Variants in GNB4 observed in about 807,000 individuals in gnomAD.
GNB4 encodes G protein subunit beta 4.
Under a neutral mutation model 45.2 loss-of-function variants are expected in GNB4, and 28 were observed. The ratio of observed to expected loss-of-function variants is 0.62; its 90% CI spans 0.46 to 0.85. The LOEUF (loss-of-function observed/expected upper bound fraction) is 0.85. GNB4 is among the 40% of genes least tolerant of loss of function. The pLI is 0.00. For synonymous variants in GNB4, 132 were observed against 143.7 expected (o/e 0.92, Z 0.58); for missense variants, 321 against 425.4 (o/e 0.75, Z 2.16).
the GNB4 span, among the ~76,000 whole-genome samples, chr3:179,499,686 G>A: frequency 0.097 from 14,701 of 152,128 alleles, 1,273 homozygotes; most frequent in African/African-American, 0.23. Context: ...CACAATGGTC[G>A]AACTAATTTA....
At chr3:179,448,908 G>A (rs897211131) in intron 1 of GNB4, among the ~76,000 whole-genome samples, 8 of 152,068 alleles carry the variant, frequency 5.3e-5, no homozygotes, top group Admixed American at 4.6e-4. Context: ...GCGAGATCCC[G>A]CTTCTATTTA....
chr3:179,494,353 AAGAG>A, the GNB4 span, among the ~76,000 whole-genome samples: 1 of 151,352 alleles, frequency 6.6e-6, no homozygotes, highest in African/African-American at 2.4e-5. Context: ...AGGAAAGAAA[AAGAG>A]AGGGAGGGAA....
At chr3:179,429,461 G>A (rs1715241272) in intron 1 of GNB4, among the ~76,000 whole-genome samples, 1 of 152,180 alleles carries the variant, frequency 6.6e-6, no homozygotes, top group South Asian at 2.1e-4. Context: ...TTGTAAGTAG[G>A]TAAAGATCCC....
chr3:179,471,046 G>A, the GNB4 span, among the ~76,000 whole-genome samples: 2 of 151,944 alleles, frequency 1.3e-5, no homozygotes, highest in African/African-American at 2.4e-5. Flanking sequence ...GGGCGTTGTG[G>A]TGGGTGCCTG....
At chr3:179,524,186 T>G in the GNB4 span, among the ~76,000 whole-genome samples, 2 of 152,218 alleles carry the variant, frequency 1.3e-5, no homozygotes, top group African/African-American at 2.4e-5. Context: ...TTGGGCAGCA[T>G]CAGTCTTTAG....
the GNB4 span, among the ~76,000 whole-genome samples, chr3:179,523,652 A>G: frequency 6.6e-5 from 10 of 152,230 alleles, no homozygotes; most frequent in Admixed American, 2.0e-4. Context: ...TAATCCTTGT[A>G]AAGTGTGCTG....
At chr3:179,474,842 C>CCAAG in the GNB4 span, among the ~76,000 whole-genome samples, 1 of 140,854 alleles carries the variant, frequency 7.1e-6, no homozygotes, top group African/African-American at 2.6e-5. Flanking sequence ...GCCTCAAACT[C>CCAAG]CAAGGCTCAA....
the GNB4 span, among the ~76,000 whole-genome samples, chr3:179,488,678 T>G: frequency 1.3e-5 from 2 of 152,030 alleles, no homozygotes; most frequent in African/African-American, 2.4e-5. Context: ...TGACCAAGTG[T>G]TCGTGACTCT....
the GNB4 span, chr3:179,465,131 G>A: frequency 1.5e-6 from 2 of 1,331,682 alleles, no homozygotes; most frequent in Admixed American, 3.4e-5. Context: ...GATCACAGCA[G>A]ATATGATCAA....
Position 179,417,780 on chromosome 3 carries a change from A to T in GNB4, c.204-1224T>A, listed in dbSNP as rs573209333. Among the ~76,000 whole-genome samples, 10 of 152,372 alleles carry T rather than the reference A, an allele frequency of 6.6e-5. No homozygotes were observed. In the South Asian group the frequency reaches 2.1e-3, roughly 32 times the overall value. The stretch of plus-strand genomic sequence containing the variant: ...ATTTAAAAAGCACCTTCCTGGGCCT[A>T]TCATCAGCCACCCAGTTCCTTTCCC... On this transcript the variant is annotated intron_variant, in intron 4 of 9. Transcript: ENST00000232564.
the GNB4 span, among the ~76,000 whole-genome samples, chr3:179,501,031 C>T: frequency 5.9e-5 from 9 of 152,202 alleles, no homozygotes; most frequent in South Asian, 1.7e-3. Context: ...AGGGTGAAAC[C>T]TTGGATGAAG....
chr3:179,526,434 C>T, the GNB4 span, among the ~76,000 whole-genome samples: 6 of 152,184 alleles, frequency 3.9e-5, no homozygotes, highest in Admixed American at 3.3e-4. Flanking sequence ...TTTCTCTACC[C>T]CACTGTCACT....
the GNB4 span, among the ~76,000 whole-genome samples, chr3:179,523,546 A>C: frequency 6.6e-6 from 1 of 152,190 alleles, no homozygotes; most frequent in Non-Finnish European, 1.5e-5. Flanking sequence ...AACTTGTAAG[A>C]CTTGTCTGGT....
At chr3:179,438,185 C>T (rs1351859142) in intron 1 of GNB4, among the ~76,000 whole-genome samples, 2 of 152,204 alleles carry the variant, frequency 1.3e-5, no homozygotes, top group African/African-American at 2.4e-5. Context: ...ATGTACACAA[C>T]TCTGTGTAGT....
At chr3:179,506,420 G>A in the GNB4 span, among the ~76,000 whole-genome samples, 1 of 152,170 alleles carries the variant, frequency 6.6e-6, no homozygotes, top group Non-Finnish European at 1.5e-5. Context: ...GATTGTGAGT[G>A]ATGTTTAAAA....
chr3:179,419,349 A>G, intron 4 of GNB4, 50 bp downstream of exon 4: 1 of 1,111,582 alleles, frequency 9.0e-7, no homozygotes, highest in Non-Finnish European at 1.4e-6. Context: ...GTTCTTAATG[A>G]AAATAATTCT....
chr3:179,462,892 A>C, the GNB4 span, among the ~76,000 whole-genome samples: 2 of 152,298 alleles, frequency 1.3e-5, no homozygotes, highest in African/African-American at 4.8e-5. Context: ...GTTATCATAA[A>C]ATCATTTTAA....
chr3:179,495,804 A>G, the GNB4 span, among the ~76,000 whole-genome samples: 1 of 152,186 alleles, frequency 6.6e-6, no homozygotes, highest in East Asian at 1.9e-4. Flanking sequence ...GAGTGGAATA[A>G]TATATTTGAA....
intron 1 of GNB4, among the ~76,000 whole-genome samples, chr3:179,428,380 C>T (rs1715205745): frequency 6.6e-6 from 1 of 152,106 alleles, no homozygotes. Flanking sequence ...CAGAGAGGGC[C>T]AGACTGGACA....
Sources: allele counts gnomAD v4.1 joint callset (sites outside exome capture counted in the v4.1 genomes callset), GRCh38; gene constraint gnomAD v4.1.1; transcripts MANE v1.5; gene names NCBI Gene and HGNC (gene_info 2026-07-23, HGNC 2026-07-21).